Variants in AFG1L observed in about 807,000 individuals in gnomAD.
AFG1L encodes AFG1 like ATPase, also known as AFG1-like ATPase.
AFG1L carries 53 observed loss-of-function variants against 62.2 expected under a neutral mutation model. The ratio of observed to expected loss-of-function variants is 0.85; its 90% CI spans 0.68 to 1.07. The LOEUF (loss-of-function observed/expected upper bound fraction) is 1.07. AFG1L is among the 50% of genes least tolerant of loss of function. AFG1L has a pLI of 0.00. For missense variants in AFG1L, 555 were observed against 590.5 expected, an observed-to-expected ratio of 0.94 and a Z score of 0.62; for synonymous variants, 228 against 210.3, an observed-to-expected ratio of 1.08 and a Z score of -0.73.
At chr6:108,440,055 C>T (rs986418384) in intron 7 of AFG1L, among the ~76,000 whole-genome samples, 1 of 152,088 alleles carries the variant, frequency 6.6e-6, no homozygotes, top group African/African-American at 2.4e-5. Context: ...ATAGGAAAAA[C>T]TTATATAAGC....
chr6:108,321,430 C>T (rs1777808448), intron 1 of AFG1L, among the ~76,000 whole-genome samples: 1 of 152,170 alleles, frequency 6.6e-6, no homozygotes, highest in Non-Finnish European at 1.5e-5. Context: ...CTAACCCCAC[C>T]TTCCTGGGGT....
In AFG1L at chr6:108,477,272, T is replaced by G; in HGVS notation, c.1042T>G (p.Phe348Val). The G allele has an allele frequency of 6.2e-7, 1 of 1,607,686 alleles. No homozygotes were observed. The highest frequency in any genetic ancestry group is 8.5e-7 in the Non-Finnish European group (1 of 1,175,530). Reference protein sequence around the residue: ...KACGTVADCTFEELCERPLGA... With the variant: ...KACGTVADCTVEELCERPLGA... ...CTGTGGAACCGTTGCCGACTGCACATTTGAAGAGCTGTGTGAGAGAGTAAG... is the reference window on the plus strand; with the variant it reads ...CTGTGGAACCGTTGCCGACTGCACAGTTGAAGAGCTGTGTGAGAGAGTAAG... The change falls in exon 10 of 13, where the codon TTT becomes GTT. Residue 348 changes from phenylalanine to valine, a missense_variant. Phe to Val is a conservative substitution (Grantham distance 50). Transcript: ENST00000368977.
At chr6:108,393,440 C>A (rs2114601604) in intron 6 of AFG1L, among the ~76,000 whole-genome samples, 1 of 152,086 alleles carries the variant, frequency 6.6e-6, no homozygotes, top group South Asian at 2.1e-4. Flanking sequence ...GAATACATTT[C>A]TCAGAGCATA....
rs562434610 is a variant in AFG1L at position 108,429,736 on chromosome 6, T to C, written c.808-17478T>C. ...TACCCCCAGATTTGTTCTTTTTGTC[T>C]AGGATTGCTTTGGCTATTAGGGCTC... On this transcript the variant is annotated intron_variant, in intron 7 of 12. Transcript: ENST00000368977. 2.6e-5 allele frequency among the ~76,000 whole-genome samples: 4 copies of C among 152,292 alleles called. No homozygotes were observed. The South Asian group carries it at 8.3e-4, about 32-fold the overall frequency.
chr6:108,300,563 A>T (rs889270337), intron 1 of AFG1L, among the ~76,000 whole-genome samples: 1 of 152,058 alleles, frequency 6.6e-6, no homozygotes, highest in African/African-American at 2.4e-5. Flanking sequence ...TTTACATGTT[A>T]CTTGCCAAGG....
chr6:108,382,034 CTTG>C (rs1163569722), intron 6 of AFG1L, among the ~76,000 whole-genome samples: 1 of 125,116 alleles, frequency 8.0e-6, no homozygotes, highest in African/African-American at 3.2e-5. Context: ...GAGCTTTGCT[CTTG>C]TTGTCCAGGC....
intron 1 of AFG1L, chr6:108,318,161 A>T (rs1027936652): frequency 9.1e-6 from 2 of 220,670 alleles, no homozygotes; most frequent in Non-Finnish European, 1.8e-5. Context: ...CAAGATCAGG[A>T]TAAGAAGGGC....
chr6:108,525,083 G>A lies in AFG1L; in HGVS notation c.*2658G>A, dbSNP rs1402851929. On this transcript the variant is annotated 3_prime_UTR_variant, in exon 13 of 13. Transcript: ENST00000368977. Reference sequence around the variant, plus strand: ...GAGACGGAGGTTTGAGCTGAGTACTGCTGTGGAAAGCTCCTGCTCAATTCA... The same window carrying A: ...GAGACGGAGGTTTGAGCTGAGTACTACTGTGGAAAGCTCCTGCTCAATTCA... 6.6e-6 allele frequency: 1 copy of A among 152,194 alleles called. No individual in the cohort carries two copies. Among genetic ancestry groups the A allele is most frequent in the Non-Finnish European group, 1.5e-5 (1 of 68,044 alleles). 9.4% of individuals were successfully genotyped at this position (152,194 alleles called of 1,614,324 possible).
chr6:108,299,665 C>T (rs1346088164), intron 1 of AFG1L, among the ~76,000 whole-genome samples: 1 of 152,026 alleles, frequency 6.6e-6, no homozygotes, highest in African/African-American at 2.4e-5. Context: ...TGAAAAGAGC[C>T]TGTGGCTTGT....
At chr6:108,367,329 T>G (rs1021084459) in intron 6 of AFG1L, among the ~76,000 whole-genome samples, 1 of 152,166 alleles carries the variant, frequency 6.6e-6, no homozygotes, top group Non-Finnish European at 1.5e-5. Context: ...TCTCTCTGGC[T>G]GCAGTGTTGA....
chr6:108,361,289 C>T (rs72936772), intron 5 of AFG1L, among the ~76,000 whole-genome samples: 5,269 of 152,214 alleles, frequency 0.035, 167 homozygotes, highest in South Asian at 0.17. Flanking sequence ...TGGCGCAGAC[C>T]CTGGTTCTTC....
chr6:108,502,504 CT>C (rs1774247312), intron 10 of AFG1L, among the ~76,000 whole-genome samples: 1 of 152,110 alleles, frequency 6.6e-6, no homozygotes, highest in Non-Finnish European at 1.5e-5. Flanking sequence ...CGTGCCTGGC[CT>C]GGTTTTGTAT....
At chr6:108,362,365 A>T (rs1184590171) in intron 5 of AFG1L, among the ~76,000 whole-genome samples, 1 of 152,022 alleles carries the variant, frequency 6.6e-6, no homozygotes, top group African/African-American at 2.4e-5. Context: ...TAGAATGCTT[A>T]TATTCCATCT....
chr6:108,417,058 C>G (rs1770329399), intron 7 of AFG1L, among the ~76,000 whole-genome samples: 2 of 151,274 alleles, frequency 1.3e-5, no homozygotes, highest in African/African-American at 4.9e-5. Context: ...CATGGCAAGA[C>G]CTCATCTCTA....
chr6:108,309,383 G>A (rs1777320904), intron 1 of AFG1L, among the ~76,000 whole-genome samples: 1 of 152,032 alleles, frequency 6.6e-6, no homozygotes, highest in South Asian at 2.1e-4. Context: ...TCCTAACTCT[G>A]TAGCTTTATA....
At chr6:108,512,756 A>C (rs1774705424) in intron 11 of AFG1L, among the ~76,000 whole-genome samples, 1 of 152,112 alleles carries the variant, frequency 6.6e-6, no homozygotes, top group Admixed American at 6.5e-5. Flanking sequence ...ATATGATAGA[A>C]TATTCAAACT....
At chr6:108,414,767 T>G (rs1782284315) in intron 7 of AFG1L, among the ~76,000 whole-genome samples, 1 of 152,186 alleles carries the variant, frequency 6.6e-6, no homozygotes, top group Non-Finnish European at 1.5e-5. Flanking sequence ...TGATGGGATG[T>G]ATCTCAAAAT....
intron 10 of AFG1L, among the ~76,000 whole-genome samples, chr6:108,487,225 C>T (rs58468264): frequency 0.035 from 5,374 of 152,252 alleles, 305 homozygotes; most frequent in African/African-American, 0.12. Flanking sequence ...TGACACTGGG[C>T]GCTGTGGCAC....
At chr6:108,499,609 T>C (rs1054524187) in intron 10 of AFG1L, among the ~76,000 whole-genome samples, 9 of 145,818 alleles carry the variant, frequency 6.2e-5, no homozygotes, top group African/African-American at 1.8e-4. Context: ...CTGGGCTCCA[T>C]TGGTAGGTGC....
Sources: gnomAD v4.1 joint callset for allele counts (sites outside exome capture counted in the v4.1 genomes callset) on GRCh38, gnomAD v4.1.1 for gene constraint, MANE v1.5 for transcripts, NCBI Gene and HGNC (gene_info 2026-07-23, HGNC 2026-07-21) for gene names.